Variants in PRKCI observed in about 807,000 individuals in gnomAD.
The protein encoded by PRKCI is protein kinase C iota.
A neutral mutation model predicts 84.0 loss-of-function variants in PRKCI; 43 were observed. That is an observed-to-expected ratio of 0.51 (90% CI 0.40 to 0.66). The LOEUF is 0.66. PRKCI is among the 30% of genes least tolerant of loss of function. The probability of loss-of-function intolerance (pLI) is 0.00; values close to 1 mark genes in which losing one functional copy is unlikely to be tolerated. For missense variants in PRKCI, 459 were observed against 745.6 expected (o/e 0.62, Z 4.48); for synonymous variants, 216 against 234.4 (o/e 0.92, Z 0.72).
intron 10 of PRKCI, 44 bp downstream of exon 10, chr3:170,281,307 T>C: frequency 2.0e-6 from 3 of 1,526,810 alleles, no homozygotes; most frequent in Non-Finnish European, 2.7e-6. Flanking sequence ...CTTCATATTT[T>C]TGGTCATATT....
At chr3:170,280,987 T>C (rs556339772) in intron 9 of PRKCI, among the ~76,000 whole-genome samples, 179 bp from the exon 10 acceptor site, 57 of 152,346 alleles carry the variant, frequency 3.7e-4, no homozygotes, top group African/African-American at 1.3e-3. Flanking sequence ...TTTATAATAC[T>C]GAAAGATTGA....
At chr3:170,274,846 T>C (rs1734076738) in intron 7 of PRKCI, among the ~76,000 whole-genome samples, 2 of 152,322 alleles carry the variant, frequency 1.3e-5, no homozygotes, top group South Asian at 4.1e-4. Flanking sequence ...AGAGGTCCTG[T>C]ATCTCTATGT....
intron 6 of PRKCI, among the ~76,000 whole-genome samples, chr3:170,271,370 TGTACCTCTAAAAGAGAA>T (rs1174552305): frequency 6.6e-6 from 1 of 152,196 alleles, no homozygotes; most frequent in Admixed American, 6.5e-5. Context: ...TATTTCAGTA[TGTACCTCTAAAAGAGAA>T]GGACTTTTTT....
At chr3:170,264,268 T>TG (rs1733805652) in intron 4 of PRKCI, among the ~76,000 whole-genome samples, 1 of 151,090 alleles carries the variant, frequency 6.6e-6, no homozygotes, top group Non-Finnish European at 1.5e-5. Context: ...CTTAAACAGG[T>TG]ATTAAGTCAC....
At chr3:170,302,543 A>G (rs933675711) in intron 17 of PRKCI, among the ~76,000 whole-genome samples, 6 of 152,176 alleles carry the variant, frequency 3.9e-5, no homozygotes, top group Non-Finnish European at 7.3e-5. Context: ...ACAAAATGCC[A>G]ACCTCTCCCC....
chr3:170,278,567 G>A (rs1389500502), intron 8 of PRKCI, among the ~76,000 whole-genome samples: 3 of 152,174 alleles, frequency 2.0e-5, no homozygotes, highest in African/African-American at 2.4e-5. Context: ...GAGGCAGGAG[G>A]ATCACTTGAG....
Position 170,305,755 on chromosome 3 carries a change from A to AG in PRKCI, c.*2629dup, listed in dbSNP as rs1237814622. The AG allele has an allele frequency of 6.6e-6, 1 of 152,200 alleles. No homozygotes were observed. Among genetic ancestry groups the AG allele is most frequent in the Non-Finnish European group, 1.5e-5 (1 of 68,028 alleles). The allele number at this position is 152,200 out of a possible 1,614,324, so 9.4% of individuals were successfully genotyped here. ...GAATGGTTGGAATTTTGGCTTTCTA[A>AG]GAAAAACTTTATTTTGCATAAGCAT... On this transcript the variant is annotated 3_prime_UTR_variant, in exon 18 of 18. Transcript: ENST00000295797.
chr3:170,280,170 A>G, intron 8 of PRKCI, 57 bp from the exon 9 acceptor site: 1 of 1,427,076 alleles, frequency 7.0e-7, no homozygotes, highest in Middle Eastern at 2.6e-4. Context: ...TGTTAGAAAT[A>G]TAATGTACTA....
intron 6 of PRKCI, among the ~76,000 whole-genome samples, chr3:170,272,384 C>T (rs1734025443): frequency 6.6e-6 from 1 of 152,108 alleles, no homozygotes; most frequent in Non-Finnish European, 1.5e-5. Context: ...ATTGTGAAAG[C>T]AGGTTATTAC....
intron 2 of PRKCI, among the ~76,000 whole-genome samples, chr3:170,245,863 G>C (rs2108841751): frequency 6.6e-6 from 1 of 151,550 alleles, no homozygotes; most frequent in East Asian, 1.9e-4. Flanking sequence ...CCTGGCTCAA[G>C]CACAGTGTTT....
intron 4 of PRKCI, 138 bp from the exon 5 acceptor site, chr3:170,267,777 A>T: frequency 4.1e-6 from 2 of 488,076 alleles, no homozygotes; most frequent in Non-Finnish European, 6.9e-6. Flanking sequence ...AATCTATTTT[A>T]TTTTTTGACG....
At position 170,273,338 on chromosome 3, in the gene PRKCI, C is replaced by T. The variant is rs763072369; in HGVS notation, c.644C>T (p.Thr215Ile). ...TCCATGCATTCTGACCATGCACAGACAGGTAAGAGTGGTGCTGGCACAACC... is the reference window on the plus strand; with the variant it reads ...TCCATGCATTCTGACCATGCACAGATAGGTAAGAGTGGTGCTGGCACAACC... ...QSSMHSDHAQ[T>I]VIPYNPSSHE... is the part of the protein sequence containing the mutation. Residue 215 changes from threonine (T) to isoleucine (I), a missense_variant and splice_region_variant, in exon 7 of 18, where the codon ACA becomes ATA. Thr to Ile is a moderately conservative substitution (Grantham distance 89, BLOSUM62 -1). Coordinates refer to ENST00000295797, the MANE Select transcript of PRKCI (RefSeq NM_002740.6). The T allele has an allele frequency of 6.2e-6, 10 of 1,613,378 alleles. No individual in the cohort carries two copies. The East Asian group carries it at 2.2e-4, about 36-fold the overall frequency.
chr3:170,288,256 AAAG>A (rs1734450195), intron 12 of PRKCI, among the ~76,000 whole-genome samples: 1 of 152,054 alleles, frequency 6.6e-6, no homozygotes, highest in African/African-American at 2.4e-5. Flanking sequence ...AAAAAAAAAA[AAAG>A]GACTTTTCTC....
Position 170,293,528 on chromosome 3 carries a change from A to G in PRKCI, c.1417+20A>G, listed in dbSNP as rs1189169891. ...TCCAAGGTAATTTGGAGTATTTTAC[A>G]GAGATTCTCTGAGAAAAACCTATTC... On this transcript the variant is annotated intron_variant, in intron 14 of 17. Coordinates refer to ENST00000295797, the MANE Select transcript of PRKCI (RefSeq NM_002740.6). The G allele has an allele frequency of 1.9e-6, 3 of 1,609,842 alleles. No individual in the cohort carries two copies. Among genetic ancestry groups the G allele is most frequent in the Non-Finnish European group, 2.5e-6 (3 of 1,177,850 alleles).
At position 170,304,749 on chromosome 3, in the gene PRKCI, T is replaced by C. The variant is rs1734914573; in HGVS notation, c.*1622T>C. 6.6e-6 allele frequency: 1 copy of C among 152,160 alleles called. No homozygotes were observed. Among genetic ancestry groups the C allele is most frequent in the Admixed American group, 6.5e-5 (1 of 15,276 alleles). 9.4% of individuals were successfully genotyped at this position (152,160 alleles called of 1,614,324 possible). A position where few individuals can be genotyped will look rare whatever the true frequency, so the allele number is the denominator to read the frequency against. ...ATATAGCATCCTTCTGTTGTTTATT[T>C]TAAATATATTTTTAATGAAAAGGGA... On this transcript the variant is annotated 3_prime_UTR_variant, in exon 18 of 18. Transcript: ENST00000295797.
At chr3:170,297,271 C>G in intron 15 of PRKCI, 33 bp from the exon 16 acceptor site, 1 of 1,508,696 alleles carries the variant, frequency 6.6e-7, no homozygotes, top group Non-Finnish European at 9.2e-7. Context: ...GCATGACATT[C>G]ACCCAATTCT....
chr3:170,290,570 A>G (rs1333712975), intron 12 of PRKCI, among the ~76,000 whole-genome samples: 4 of 151,608 alleles, frequency 2.6e-5, no homozygotes, highest in Non-Finnish European at 4.4e-5. Context: ...CTTTTTTCCA[A>G]ATCTTTCTCT....
At chr3:170,298,885 T>C (rs1734752406) in intron 16 of PRKCI, 110 bp from the exon 17 acceptor site, 1 of 703,534 alleles carries the variant, frequency 1.4e-6, no homozygotes, top group Non-Finnish European at 2.5e-6. Context: ...CATTGAACCA[T>C]GCTTCAGGAC....
intron 3 of PRKCI, among the ~76,000 whole-genome samples, chr3:170,262,469 T>TTGTTC (rs1733751049): frequency 1.3e-5 from 2 of 152,132 alleles, no homozygotes; most frequent in Admixed American, 6.5e-5. Context: ...ATTGGTTTTT[T>TTGTTC]TGTTTTGTTT....
Sources: allele counts gnomAD v4.1 joint callset (sites outside exome capture counted in the v4.1 genomes callset), GRCh38; gene constraint gnomAD v4.1.1; transcripts MANE v1.5; gene names NCBI Gene and HGNC (gene_info 2026-07-23, HGNC 2026-07-21).